ACTN4: variants seen among roughly 807,000 people sequenced by gnomAD.
The protein encoded by ACTN4 is alpha-actinin-4.
ACTN4 carries 18 observed loss-of-function variants against 114.2 expected under a neutral mutation model. That is an observed-to-expected ratio of 0.16 (90% CI 0.11 to 0.23). The LOEUF (loss-of-function observed/expected upper bound fraction) is 0.23, where lower values mean the gene tolerates loss of function less well. Among genes scored for constraint, ACTN4 ranks in the 10% least tolerant of loss-of-function variants. The probability of loss-of-function intolerance (pLI) is 1.00; values close to 1 mark genes in which losing one functional copy is unlikely to be tolerated. For synonymous variants in ACTN4, 515 were observed against 506.3 expected (o/e 1.02, Z -0.23); for missense variants, 722 against 1,262.9 (o/e 0.57, Z 6.49).
At position 38,649,252 on chromosome 19, in the gene ACTN4, G is replaced by T. The variant is rs1000739894; in HGVS notation, c.162+1345G>T. 3.7e-5 allele frequency among the ~76,000 whole-genome samples: 5 copies of T among 134,992 alleles called. No individual in the cohort carries two copies. In the Admixed American group the frequency reaches 3.8e-4, roughly 10 times the overall value. The allele number at this position is 134,992 out of a possible 152,430, so 88.6% of individuals were successfully genotyped here. ...TGATCAGAAGTGGAGTGGGATCCCC[G>T]AGCGAGGTGTCAGTGTCTGTGGGGG... is the stretch of plus-strand genomic sequence containing the variant. On this transcript the variant is annotated intron_variant, in intron 1 of 20. Transcript: ENST00000252699.
chr19:38,690,145 G>A (rs1967876095), intron 1 of ACTN4, among the ~76,000 whole-genome samples: 1 of 152,290 alleles, frequency 6.6e-6, no homozygotes, highest in South Asian at 2.1e-4. Context: ...GGCGGGAGTG[G>A]GCCACCCCCT....
At chr19:38,701,337 C>A (rs952099328) in intron 3 of ACTN4, among the ~76,000 whole-genome samples, 2 of 152,164 alleles carry the variant, frequency 1.3e-5, no homozygotes, top group Non-Finnish European at 2.9e-5. Context: ...CCGGTGGGCG[C>A]AGTCCAAATC....
Position 38,674,132 on chromosome 19 carries a change from G to A in ACTN4, c.162+26225G>A, listed in dbSNP as rs188520798. Among the ~76,000 whole-genome samples the A allele has an allele frequency of 7.1e-4, 108 of 152,172 alleles. 1 individual carries two copies. Among genetic ancestry groups the A allele is most frequent in the African/African-American group, 2.5e-3 (103 of 41,498 alleles). On this transcript the variant is annotated intron_variant, in intron 1 of 20. Coordinates refer to ENST00000252699, the MANE Select transcript of ACTN4 (RefSeq NM_004924.6). ...GAGTCCTTTAAGAGGGGACAGTGGG[G>A]GACTTGCAATAGATTGTGTGGGAGC...
chr19:38,698,909 G>C (rs1378668597), intron 1 of ACTN4, among the ~76,000 whole-genome samples: 1 of 152,218 alleles, frequency 6.6e-6, no homozygotes, highest in Admixed American at 6.5e-5. Context: ...GGCGACAGTT[G>C]TCAAAACACA....
intron 11 of ACTN4, among the ~76,000 whole-genome samples, chr19:38,718,965 C>A (rs1968941040): frequency 6.6e-6 from 1 of 152,358 alleles, no homozygotes; most frequent in African/African-American, 2.4e-5. Context: ...CTTCGGCCCA[C>A]CCTTCAGCAT....
chr19:38,707,488 A>T (rs1968499879), intron 5 of ACTN4, among the ~76,000 whole-genome samples: 1 of 152,092 alleles, frequency 6.6e-6, no homozygotes, highest in Non-Finnish European at 1.5e-5. Flanking sequence ...CCTCAGAGGG[A>T]ACCAACCCTT....
chr19:38,666,057 C>G (rs1379994820), intron 1 of ACTN4, among the ~76,000 whole-genome samples: 3 of 152,130 alleles, frequency 2.0e-5, no homozygotes, highest in African/African-American at 7.2e-5. Context: ...AGCTGCCGAC[C>G]TGGAACGTGG....
chr19:38,715,429 A>G (rs1968806183), intron 9 of ACTN4, among the ~76,000 whole-genome samples: 1 of 152,198 alleles, frequency 6.6e-6, no homozygotes, highest in Non-Finnish European at 1.5e-5. Context: ...CCTGGGAGGC[A>G]GAGGTTGCAG....
chr19:38,708,247 C>CGGAGTTAGGGGGTCAGA, intron 6 of ACTN4, 52 bp downstream of exon 6: 1 of 1,589,162 alleles, frequency 6.3e-7, no homozygotes, highest in Non-Finnish European at 8.6e-7. Flanking sequence ...CTGTCTGACC[C>CGGAGTTAGGGGGTCAGA]CCTAACTCCG....
In ACTN4 at chr19:38,729,292, G is replaced by C; in HGVS notation, c.2596G>C (p.Glu866Gln). ...GCCCCAGAACTTCATCACAGCTGAG[G>C]AGCTGCGGAGAGAGCTGCCCCCCGA... ...AGDKNFITAE[E>Q]LRRELPPDQA... Residue 866 changes from glutamate to glutamine, a missense_variant, in exon 21 of 21, where the codon GAG (glutamate) becomes CAG (glutamine). Around this residue, in one of 3 missense-constraint regions of ACTN4, gnomAD observed 523 missense variants for 875.9 expected, o/e 0.60. Coordinates refer to ENST00000252699, the MANE Select transcript of ACTN4 (RefSeq NM_004924.6). 1 of 1,612,858 alleles carries C rather than the reference G, an allele frequency of 6.2e-7. No individual in the cohort carries two copies. Among genetic ancestry groups the C allele is most frequent in the Non-Finnish European group, 8.5e-7 (1 of 1,179,994 alleles).
rs138507073 is a variant in ACTN4, at chr19:38,731,214, A to G, written c.*1782A>G. The G allele has an allele frequency of 3.7e-6, 6 of 1,612,462 alleles. No homozygotes were observed. The highest frequency in any genetic ancestry group is 1.7e-4 in the Middle Eastern group (1 of 5,858). Reference sequence around the variant, plus strand: ...GAGGGTCTGGGTCAGCTGGTTGTTCAGGTGGAAGCCTAGGGGGAGGCTGCT... The same window carrying G: ...GAGGGTCTGGGTCAGCTGGTTGTTCGGGTGGAAGCCTAGGGGGAGGCTGCT... On this transcript the variant is annotated 3_prime_UTR_variant, in exon 21 of 21. Transcript: ENST00000252699.
chr19:38,724,716 G>T lies in ACTN4; in HGVS notation c.2010+151G>T. On this transcript the variant is annotated intron_variant, in intron 16 of 20. Coordinates refer to ENST00000252699, the MANE Select transcript of ACTN4 (RefSeq NM_004924.6). This position sits in a 1 kb window ranked among gnomAD's most constrained non-coding sequence, Gnocchi z 7.0. ...ACCCAGGGGCCGTGATCACCCTGCGGGGTTAGGAGAGTCCACAGAGCTTGC... is the reference window on the plus strand; with the variant it reads ...ACCCAGGGGCCGTGATCACCCTGCGTGGTTAGGAGAGTCCACAGAGCTTGC... 8.8e-6 allele frequency: 12 copies of T among 1,363,998 alleles called. No homozygotes were observed. The highest frequency in any genetic ancestry group is 1.1e-5 in the Non-Finnish European group (11 of 987,930). The allele number at this position is 1,363,998 out of a possible 1,614,324, so 84.5% of individuals were successfully genotyped here.
rs140627564 is a variant in ACTN4, at chr19:38,725,797, G to A, written c.2084G>A (p.Arg695His). ...DQLSHLKQYE[R>H]SIVDYKPNLD... Reference sequence around the variant, plus strand: ...CTGAGCCACCTGAAGCAGTATGAACGCAGCATCGTGGACTACAAGCCCAAC... The same window carrying A: ...CTGAGCCACCTGAAGCAGTATGAACACAGCATCGTGGACTACAAGCCCAAC... Residue 695 changes from arginine (R) to histidine (H), a missense_variant, in exon 17 of 21, where the codon CGC becomes CAC. Physicochemically the swap from Arg to His is conservative, Grantham distance 29. Around this residue, in one of 3 missense-constraint regions of ACTN4, gnomAD observed 523 missense variants for 875.9 expected, o/e 0.60. Transcript: ENST00000252699. The A allele has an allele frequency of 1.7e-4, 270 of 1,614,074 alleles. 1 individual carries two copies. Among genetic ancestry groups the A allele is most frequent in the Non-Finnish European group, 2.1e-4 (242 of 1,180,060 alleles).
Position 38,693,949 on chromosome 19 carries a change from C to G in ACTN4, c.163-6651C>G, listed in dbSNP as rs150340687. Among the ~76,000 whole-genome samples the G allele has an allele frequency of 3.9e-5, 6 of 152,362 alleles. No homozygotes were observed. The East Asian group carries it at 9.6e-4, about 24-fold the overall frequency. ...TTCTTCCACCCCCCTTCCCCGCACT[C>G]ACACCCTGTGCTATTTTAGCAACCA... On this transcript the variant is annotated intron_variant, in intron 1 of 20. Transcript: ENST00000252699.
intron 20 of ACTN4, 40 bp from the exon 21 acceptor site, chr19:38,729,234 T>G: frequency 6.2e-7 from 1 of 1,612,214 alleles, no homozygotes; most frequent in Non-Finnish European, 8.5e-7. Flanking sequence ...GGCCAGTGTG[T>G]GGGTGGGGAT....
chr19:38,678,812 G>A (rs139586446), intron 1 of ACTN4, among the ~76,000 whole-genome samples: 15 of 152,280 alleles, frequency 9.9e-5, no homozygotes, highest in African/African-American at 2.6e-4. Flanking sequence ...CGCTCTGTTC[G>A]GAGACAAAAC....
rs191227557 is a variant in ACTN4 at position 38,719,301 on chromosome 19, G to A, written c.1291+1227G>A. Among the ~76,000 whole-genome samples, 288 of 152,314 alleles carry A rather than the reference G, an allele frequency of 1.9e-3. 2 individuals are homozygous for A. Among genetic ancestry groups the A allele is most frequent in the African/African-American group, 5.4e-3 (224 of 41,568 alleles). On this transcript the variant is annotated intron_variant, in intron 11 of 20. Transcript: ENST00000252699. ...TCCCTGGCCCTCCGGCCGCCACTCC[G>A]CCCAGCTGAGCCCTTCCTTGCATTC...
At position 38,727,174 on chromosome 19, in the gene ACTN4, G is replaced by A. The variant is rs1969263925; in HGVS notation, c.2337+71G>A. On this transcript the variant is annotated intron_variant, in intron 18 of 20. Coordinates refer to ENST00000252699, the MANE Select transcript of ACTN4 (RefSeq NM_004924.6). The surrounding 1 kb of genome is among the most constrained non-coding windows in gnomAD (Gnocchi z 5.4). ...CGTACCAGCCCACACCTTCGTCTCT[G>A]CATCTGTTCGTCCATTCCCATCACA... The A allele has an allele frequency of 6.2e-7, 1 of 1,607,900 alleles. No homozygotes were observed. The highest frequency in any genetic ancestry group is 1.1e-5 in the South Asian group (1 of 90,614).
Position 38,701,045 on chromosome 19 carries a change from C to T in ACTN4, c.321C>T (p.His107=). Residue 107 remains histidine (H), a synonymous_variant, in exon 3 of 21, where the codon CAC becomes CAT. Transcript: ENST00000252699. ...PKPERGKMRV[H]KINNVNKALD... is the part of the protein sequence containing the mutation. The stretch of plus-strand genomic sequence containing the variant: ...CGGAGCGGGGGAAGATGAGAGTGCA[C>T]AAAATCAACAATGTGAACAAAGCGC... 6.2e-7 allele frequency: 1 copy of T among 1,614,080 alleles called. No homozygotes were observed. The highest frequency in any genetic ancestry group is 8.5e-7 in the Non-Finnish European group (1 of 1,180,032).
Sources: allele counts gnomAD v4.1 joint callset (sites outside exome capture counted in the v4.1 genomes callset), GRCh38; gene constraint gnomAD v4.1.1; regional missense constraint gnomAD v4.1.1; non-coding constraint Gnocchi (gnomAD v3.1); transcripts MANE v1.5; gene names NCBI Gene and HGNC (gene_info 2026-07-23, HGNC 2026-07-21).